ARSA: variants seen among roughly 807,000 people sequenced by gnomAD.
ARSA encodes the protein cerebroside-sulfatase.
Under a neutral mutation model 37.8 loss-of-function variants are expected in ARSA, and 32 were observed. The observed-to-expected ratio is 0.85, with a 90% CI of 0.64 to 1.14. The LOEUF (loss-of-function observed/expected upper bound fraction) is 1.14. Ranked by LOEUF, ARSA falls within the 50% of genes most tolerant of loss-of-function variation. The pLI, the probability that ARSA is intolerant of heterozygous loss-of-function variation, is 0.00. For synonymous variants in ARSA, 303 were observed against 303.4 expected (o/e 1.00, Z 0.01); for missense variants, 685 against 686.3 (o/e 1.00, Z 0.02).
rs950328682 is a variant in ARSA, at chr22:50,625,725, C to T, written c.1108-44G>A. ...GTCACGGGGCGGGGCAGGCCCCAAG[C>T]ACTGCACATACCTGGGGCTGCCAGC... On this transcript the variant is annotated intron_variant, in intron 6 of 7. Transcript: ENST00000216124. 2.5e-6 allele frequency: 4 copies of T among 1,586,622 alleles called. No individual in the cohort carries two copies. The highest frequency in any genetic ancestry group is 3.5e-6 in the Non-Finnish European group (4 of 1,156,068).
rs762111673 is a variant in ARSA, at chr22:50,625,265, T to A, written c.1410A>T (p.Ala470=). 1.2e-5 allele frequency: 19 copies of A among 1,612,508 alleles called. No individual in the cohort carries two copies. In the East Asian group the frequency reaches 4.0e-4, roughly 34 times the overall value. ...CCTGGCTGGGGCCGAAGGTCACAGC[T>A]GCGTCTAACTGGGCCTTGAGCAGCT... The part of the protein sequence containing the change: ...QLQLLKAQLD[A]AVTFGPSQVA... The change falls in exon 8 of 8, where the codon GCA becomes GCT. Residue 470 remains alanine, a synonymous_variant. Coordinates refer to ENST00000216124, the MANE Select transcript of ARSA (RefSeq NM_000487.6).
chr22:50,624,559 G>A lies in ARSA; in HGVS notation c.*586C>T, dbSNP rs2082632772. On this transcript the variant is annotated 3_prime_UTR_variant, in exon 8 of 8. Coordinates refer to ENST00000216124, the MANE Select transcript of ARSA (RefSeq NM_000487.6). Reference sequence around the variant, plus strand: ...TTCCTAGGAGCCAGCAGGGGCTCCAGGCCCCTTAGCCCCACCTGGAGTGTG... The same window carrying A: ...TTCCTAGGAGCCAGCAGGGGCTCCAAGCCCCTTAGCCCCACCTGGAGTGTG... Among the ~76,000 whole-genome samples the A allele has an allele frequency of 6.6e-6, 1 of 152,158 alleles. No individual in the cohort carries two copies. The highest frequency in any genetic ancestry group is 2.4e-5 in the African/African-American group (1 of 41,438).
In ARSA at chr22:50,623,251, A is replaced by T. The variant is rs1302396706; in HGVS notation, c.*1894T>A. 1 of 152,316 alleles carries T rather than the reference A, an allele frequency of 6.6e-6. No individual in the cohort carries two copies. The highest frequency in any genetic ancestry group is 1.5e-5 in the Non-Finnish European group (1 of 68,110). The allele number at this position is 152,316 out of a possible 1,614,324, so 9.4% of individuals were successfully genotyped here. ...AGGTGCTCAGACAGTCCCTCCCTGCAGAGGAGGCCAACAATGGAGGCAGAG... is the reference window on the plus strand; with the variant it reads ...AGGTGCTCAGACAGTCCCTCCCTGCTGAGGAGGCCAACAATGGAGGCAGAG... On this transcript the variant is annotated 3_prime_UTR_variant, in exon 8 of 8. Coordinates refer to ENST00000216124, the MANE Select transcript of ARSA (RefSeq NM_000487.6).
At position 50,625,183 on chromosome 22, in the gene ARSA, G is replaced by T. The variant is rs878992768; in HGVS notation, c.1492C>A (p.Arg498Ser). The change falls in exon 8 of 8, where the codon CGC (arginine) becomes AGC (serine). Residue 498 changes from arginine (R) to serine (S), a missense_variant. Physicochemically the swap from Arg to Ser is moderately radical, Grantham distance 110. Transcript: ENST00000216124. ...QICCHPGCTP[R>S]PACCHCPDPH... is the part of the protein sequence containing the mutation. ...TCTGGGCAATGGCAGCAAGCTGGGC[G>T]GGGGGTGCAGCCAGGATGACAGCAG... The T allele has an allele frequency of 3.8e-6, 6 of 1,593,712 alleles. No homozygotes were observed. The African/African-American group carries it at 5.4e-5, about 14-fold the overall frequency.
In ARSA at chr22:50,626,154, C is replaced by T. The variant is rs148092995; in HGVS notation, c.979G>A (p.Gly327Ser). The T allele has an allele frequency of 1.7e-5, 28 of 1,601,420 alleles. No individual in the cohort carries two copies. Among genetic ancestry groups the T allele is most frequent in the Admixed American group, 5.3e-5 (3 of 57,006 alleles). ...CCAAGGAGAGGGCCTGCGGACTGAC[C>T]GGGAGCGATATGACCTGGCCAGAAG... is the stretch of plus-strand genomic sequence containing the variant. ...LAFWPGHIAP[G>S]VTHELASSLD... is the part of the protein sequence containing the mutation. The change falls in exon 5 of 8, where the codon GGC becomes AGC. Residue 327 changes from glycine to serine, a missense_variant and splice_region_variant. Gly to Ser is a moderately conservative substitution (Grantham distance 56). Transcript: ENST00000216124.
At position 50,625,180 on chromosome 22, in the gene ARSA, G is replaced by A. The variant is rs1334151574; in HGVS notation, c.1495C>T (p.Pro499Ser). ...GGATCTGGGCAATGGCAGCAAGCTG[G>A]GCGGGGGGTGCAGCCAGGATGACAG... ...ICCHPGCTPR[P>S]ACCHCPDPHA Residue 499 changes from proline (P) to serine (S), a missense_variant, in exon 8 of 8, where the codon CCA becomes TCA. By Grantham distance (74) the Pro-to-Ser change is moderately conservative. Transcript: ENST00000216124. 1 of 1,595,346 alleles carries A rather than the reference G, an allele frequency of 6.3e-7. No individual in the cohort carries two copies. The highest frequency in any genetic ancestry group is 8.5e-7 in the Non-Finnish European group (1 of 1,171,252).
At position 50,627,333 on chromosome 22, in the gene ARSA, C is replaced by T. The variant is rs751480419; in HGVS notation, c.298G>A (p.Gly100Arg). The T allele has an allele frequency of 1.9e-6, 3 of 1,592,370 alleles. No homozygotes were observed. Among genetic ancestry groups the T allele is most frequent in the Non-Finnish European group, 2.6e-6 (3 of 1,170,742 alleles). The stretch of plus-strand genomic sequence containing the variant: ...GTCACCTCCTCCAGGGGCAGGCCCC[C>T]CCGGGAGCTGGGCACCAGGACGCCA... ...YPGVLVPSSRGGLPLEEVTVA... is the reference protein window; with the variant it reads ...YPGVLVPSSRRGLPLEEVTVA... Residue 100 changes from glycine to arginine, a missense_variant, in exon 2 of 8, where the codon GGG (glycine) becomes AGG (arginine). Transcript: ENST00000216124.
At chr22:50,626,351 C>T in intron 4 of ARSA, 73 bp from the exon 5 acceptor site, 2 of 1,585,806 alleles carry the variant, frequency 1.3e-6, no homozygotes, top group Non-Finnish European at 1.7e-6. Flanking sequence ...AGTGGCCCCA[C>T]ACCTCTAAGT....
In ARSA at chr22:50,626,840, G is replaced by A. The variant is rs1205000954; in HGVS notation, c.678C>T (p.Ala226=). 6.2e-7 allele frequency: 1 copy of A among 1,612,858 alleles called. No homozygotes were observed. The highest frequency in any genetic ancestry group is 1.7e-5 in the Admixed American group (1 of 60,002). ...TTGGGCCAAGATCACTTACGTGAGA[G>A]GCATAGTACAGGAAGAAGGGGCGAT... ...RQDRPFFLYY[A]SHHTHYPQFS... is the part of the protein sequence containing the mutation. Residue 226 remains alanine (A), a synonymous_variant, in exon 3 of 8, where the codon GCC becomes GCT. Coordinates refer to ENST00000216124, the MANE Select transcript of ARSA (RefSeq NM_000487.6).
Position 50,622,843 on chromosome 22 carries a change from A to G in ARSA, c.*2302T>C, listed in dbSNP as rs543415092. ...CTGGGTTAGCAGCTGCCCAGTGTCC[A>G]ATCAGGGCCTGTGACGGCTGCGCAA... On this transcript the variant is annotated 3_prime_UTR_variant, in exon 8 of 8. Transcript: ENST00000216124. 6.6e-6 allele frequency: 1 copy of G among 152,256 alleles called. No individual in the cohort carries two copies. The highest frequency in any genetic ancestry group is 6.5e-5 in the Admixed American group (1 of 15,286). The allele number at this position is 152,256 out of a possible 1,614,324, so 9.4% of individuals were successfully genotyped here. A position where few individuals can be genotyped will look rare whatever the true frequency, so the allele number is the denominator to read the frequency against.
In ARSA at chr22:50,626,068, G is replaced by T. The variant is rs773900851; in HGVS notation, c.980-5C>A. On this transcript the variant is annotated splice_polypyrimidine_tract_variant and splice_region_variant and intron_variant, in intron 5 of 7. Transcript: ENST00000216124. ...TGGCCAGCTCGTGGGTCACGCCTGG[G>T]GGCAGGAGGCTGGTCAGTCACTCAG... The T allele has an allele frequency of 1.3e-6, 2 of 1,596,928 alleles. No homozygotes were observed. Among genetic ancestry groups the T allele is most frequent in the African/African-American group, 1.3e-5 (1 of 74,880 alleles).
Position 50,624,135 on chromosome 22 carries a change from G to T in ARSA, c.*1010C>A, listed in dbSNP as rs954248328. Among the ~76,000 whole-genome samples the T allele has an allele frequency of 6.6e-6, 1 of 151,738 alleles. No individual in the cohort carries two copies. The highest frequency in any genetic ancestry group is 1.5e-5 in the Non-Finnish European group (1 of 67,970). ...TGCCCAGGCTGGAGTGCAATGGTGC[G>T]ATCTCGGCTCACTGCAACCACCGCC... On this transcript the variant is annotated 3_prime_UTR_variant, in exon 8 of 8. Transcript: ENST00000216124.
At chr22:50,627,455 C>T (rs2082695260) in intron 1 of ARSA, 49 bp from the exon 2 acceptor site, 1 of 1,605,186 alleles carries the variant, frequency 6.2e-7, no homozygotes, top group Non-Finnish European at 8.5e-7. Context: ...ATGTGGCCTT[C>T]CCTAGAGAGA....
Position 50,625,693 on chromosome 22 carries a change from G to A in ARSA, c.1108-12C>T. Reference sequence around the variant, plus strand: ...GACTGCCGAGGGCTCTGGGGGCAGAGTCAGGGGTCACGGGGCGGGGCAGGC... The same window carrying A: ...GACTGCCGAGGGCTCTGGGGGCAGAATCAGGGGTCACGGGGCGGGGCAGGC... On this transcript the variant is annotated splice_polypyrimidine_tract_variant and intron_variant, in intron 6 of 7. Coordinates refer to ENST00000216124, the MANE Select transcript of ARSA (RefSeq NM_000487.6). The A allele has an allele frequency of 1.2e-6, 2 of 1,611,502 alleles. No homozygotes were observed. Among genetic ancestry groups the A allele is most frequent in the South Asian group, 1.1e-5 (1 of 91,056 alleles).
Position 50,625,334 on chromosome 22 carries a change from C to G in ARSA, c.1341G>C (p.Val447=). The G allele has an allele frequency of 1.2e-6, 2 of 1,612,238 alleles. No individual in the cohort carries two copies. Among genetic ancestry groups the G allele is most frequent in the South Asian group, 2.2e-5 (2 of 91,004 alleles). The stretch of plus-strand genomic sequence containing the variant: ...GCAGCACCTCTGGGGTGGCCCCGGC[C>G]ACACCCCCCAGCAGGTTGTAGTTCT... ...PGENYNLLGG[V]AGATPEVLQA... Residue 447 remains valine (V), a synonymous_variant, in exon 8 of 8, where the codon GTG becomes GTC. Coordinates refer to ENST00000216124, the MANE Select transcript of ARSA (RefSeq NM_000487.6).
chr22:50,627,992 T>C lies in ARSA; in HGVS notation c.-213A>G. Reference sequence around the variant, plus strand: ...GGAACTCCTCCAGGACCAGGGCACCTTCAGATTCTCGAGCGGAGATCTGAT... The same window carrying C: ...GGAACTCCTCCAGGACCAGGGCACCCTCAGATTCTCGAGCGGAGATCTGAT... On this transcript the variant is annotated 5_prime_UTR_variant, in exon 1 of 8. Transcript: ENST00000216124. 1 of 581,554 alleles carries C rather than the reference T, an allele frequency of 1.7e-6. No individual in the cohort carries two copies. The highest frequency in any genetic ancestry group is 2.1e-5 in the South Asian group (1 of 47,666). The allele number at this position is 581,554 out of a possible 1,614,324, so 36.0% of individuals were successfully genotyped here. A position where few individuals can be genotyped will look rare whatever the true frequency, so the allele number is the denominator to read the frequency against.
rs1166362921 is a variant in ARSA, at chr22:50,626,480, T to A, written c.854+111A>T. The A allele has an allele frequency of 3.0e-5, 47 of 1,543,042 alleles. No homozygotes were observed. In the South Asian group the frequency reaches 4.8e-4, roughly 16 times the overall value. ...TTGGGCCCCTGCAACGTGGCCAGCA[T>A]CTCCTGGCACCCCCTCACCCACTAT... On this transcript the variant is annotated intron_variant, in intron 4 of 7. Transcript: ENST00000216124.
Position 50,625,446 on chromosome 22 carries a change from G to T in ARSA, c.1229C>A (p.Thr410Asn). The T allele has an allele frequency of 1.2e-6, 2 of 1,600,880 alleles. No homozygotes were observed. The highest frequency in any genetic ancestry group is 1.7e-6 in the Non-Finnish European group (2 of 1,172,190). ...GGCGTGGCAGGCAGGGTCTGCAGTGGTATCACTGTGGGCAGAGCCTGGGGA... is the reference window on the plus strand; with the variant it reads ...GGCGTGGCAGGCAGGGTCTGCAGTGTTATCACTGTGGGCAGAGCCTGGGGA... ...FFTQGSAHSD[T>N]TADPACHASS... Residue 410 changes from threonine (T) to asparagine (N), a missense_variant, in exon 8 of 8, where the codon ACC becomes AAC. Physicochemically the swap from Thr to Asn is moderately conservative, Grantham distance 65. Coordinates refer to ENST00000216124, the MANE Select transcript of ARSA (RefSeq NM_000487.6).
rs1603445053 is a variant in ARSA, at chr22:50,628,043, A to AGG, written c.-266_-265dup. The AGG allele has an allele frequency of 3.9e-6, 2 of 516,538 alleles. No homozygotes were observed. The highest frequency in any genetic ancestry group is 6.7e-5 in the East Asian group (2 of 29,966). The allele number at this position is 516,538 out of a possible 1,614,324, so 32.0% of individuals were successfully genotyped here. ...CCTCCTCGCCTAGCGGTCCGGGCTCAGGGTCGGGGGCGTAAGTCACTTGGC... is the reference window on the plus strand; with the variant it reads ...CCTCCTCGCCTAGCGGTCCGGGCTCAGGGGGTCGGGGGCGTAAGTCACTTGGC... On this transcript the variant is annotated 5_prime_UTR_variant, in exon 1 of 8. Transcript: ENST00000216124.
Sources: allele counts gnomAD v4.1 joint callset (sites outside exome capture counted in the v4.1 genomes callset), GRCh38; gene constraint gnomAD v4.1.1; transcripts MANE v1.5; gene names NCBI Gene and HGNC (gene_info 2026-07-23, HGNC 2026-07-21).